FRMD8: variants seen among roughly 807,000 people sequenced by gnomAD.
The protein encoded by FRMD8 is FERM domain containing 8.
FRMD8 carries 37 observed loss-of-function variants against 54.2 expected under a neutral mutation model. The ratio of observed to expected loss-of-function variants is 0.68; its 90% CI spans 0.53 to 0.90. The LOEUF is 0.90. FRMD8 is among the 40% of genes least tolerant of loss of function. FRMD8 has a pLI of 0.00. For synonymous variants in FRMD8, 246 were observed against 286.9 expected (o/e 0.86, Z 1.44); for missense variants, 585 against 653.7 (o/e 0.89, Z 1.15).
At chr11:65,386,447 C>G (rs1255808957), upstream of FRMD8, among the ~76,000 whole-genome samples, 1 of 152,262 alleles carries the variant, frequency 6.6e-6, no homozygotes, top group Admixed American at 6.5e-5. Flanking sequence ...AAGGGAAACT[C>G]GCTCTGGGTC....
the FRMD8 span, among the ~76,000 whole-genome samples, chr11:65,370,072 A>G: frequency 6.6e-6 from 1 of 151,182 alleles, no homozygotes; most frequent in Non-Finnish European, 1.5e-5. Flanking sequence ...ATAAATAAAA[A>G]TTAGCTGGGC....
At chr11:65,382,230 C>T (rs924082663), upstream of FRMD8, 10 of 521,174 alleles carry the variant, frequency 1.9e-5, no homozygotes, top group Admixed American at 9.5e-5. This position sits in a 1 kb window ranked among gnomAD's most constrained non-coding sequence, Gnocchi z 4.4. Flanking sequence ...CAATGATCCT[C>T]GCTCTGAGGA....
At chr11:65,399,996 T>A in intron 8 of FRMD8, 137 bp downstream of exon 8, 2 of 1,044,050 alleles carry the variant, frequency 1.9e-6, no homozygotes, top group Non-Finnish European at 2.7e-6. Flanking sequence ...CTCCGTTGGA[T>A]GTCCTCGTAG....
the FRMD8 span, among the ~76,000 whole-genome samples, chr11:65,370,349 A>G: frequency 1.3e-5 from 2 of 151,632 alleles, no homozygotes; most frequent in African/African-American, 4.8e-5. Flanking sequence ...CTGGTTCTGC[A>G]GAGGACTGGG....
chr11:65,373,281 G>C, the FRMD8 span, among the ~76,000 whole-genome samples: 3 of 152,182 alleles, frequency 2.0e-5, no homozygotes, highest in Non-Finnish European at 2.9e-5. Context: ...GGCACAGGAA[G>C]GGCAGTGCCT....
chr11:65,389,489 C>T lies in FRMD8; in HGVS notation c.214C>T (p.Leu72=). ...REVLQLPDIA[L]DVFALWLVSP... is the part of the protein sequence containing the mutation. ...GGTCCTGCAGCTTCCAGACATCGCCCTGGATGTCTTCGCGCTCTGGCTGGT... is the reference window on the plus strand; with the variant it reads ...GGTCCTGCAGCTTCCAGACATCGCCTTGGATGTCTTCGCGCTCTGGCTGGT... The change falls in exon 3 of 11, where the codon CTG becomes TTG. Residue 72 remains leucine (L), a synonymous_variant. Transcript: ENST00000317568. 1 of 1,607,356 alleles carries T rather than the reference C, an allele frequency of 6.2e-7. No individual in the cohort carries two copies. Among genetic ancestry groups the T allele is most frequent in the Non-Finnish European group, 8.5e-7 (1 of 1,179,728 alleles).
chr11:65,389,498 T>C lies in FRMD8; in HGVS notation c.223T>C (p.Phe75Leu). 6.2e-7 allele frequency: 1 copy of C among 1,603,860 alleles called. No individual in the cohort carries two copies. Among genetic ancestry groups the C allele is most frequent in the Non-Finnish European group, 8.5e-7 (1 of 1,178,526 alleles). The change falls in exon 3 of 11, where the codon TTC becomes CTC. Residue 75 changes from phenylalanine to leucine, a missense_variant. Physicochemically the swap from Phe to Leu is conservative, Grantham distance 22 (BLOSUM62 0). Coordinates refer to ENST00000317568, the MANE Select transcript of FRMD8 (RefSeq NM_031904.5). Reference protein sequence around the residue: ...LQLPDIALDVFALWLVSPLLE... With the variant: ...LQLPDIALDVLALWLVSPLLE... ...GCTTCCAGACATCGCCCTGGATGTC[T>C]TCGCGCTCTGGCTGGTCTCCCCTCT...
At chr11:65,371,861 A>G in the FRMD8 span, among the ~76,000 whole-genome samples, 1 of 151,958 alleles carries the variant, frequency 6.6e-6, no homozygotes, top group Non-Finnish European at 1.5e-5. Flanking sequence ...TGATCTGCCC[A>G]CCTTGGCCTC....
chr11:65,376,559 A>G, the FRMD8 span: 1 of 1,614,172 alleles, frequency 6.2e-7, no homozygotes, highest in Non-Finnish European at 8.5e-7. Context: ...ATCCCCTGGT[A>G]CACTCTGCGT....
At chr11:65,392,403 G>A (rs187344534) in intron 3 of FRMD8, among the ~76,000 whole-genome samples, 362 of 152,336 alleles carry the variant, frequency 2.4e-3, no homozygotes, top group African/African-American at 8.1e-3. Context: ...ATCAGGCAGC[G>A]CTCGGGAAGC....
chr11:65,378,101 T>C, the FRMD8 span: 4,791 of 152,272 alleles, frequency 0.031, 286 homozygotes, highest in African/African-American at 0.11. Context: ...TGCCACCCTC[T>C]AGAGCGTGCT....
the FRMD8 span, chr11:65,379,867 G>A: frequency 1.4e-5 from 23 of 1,614,160 alleles, no homozygotes; most frequent in South Asian, 9.9e-5. Context: ...GGCCACTCAC[G>A]GACTCATGGC....
chr11:65,400,872 C>G lies in FRMD8; in HGVS notation c.1071+5C>G. 1 of 1,597,014 alleles carries G rather than the reference C, an allele frequency of 6.3e-7. No homozygotes were observed. Among genetic ancestry groups the G allele is most frequent in the Non-Finnish European group, 8.5e-7 (1 of 1,170,706 alleles). On this transcript the variant is annotated splice_donor_5th_base_variant and intron_variant, in intron 9 of 10. Transcript: ENST00000317568. The surrounding 1 kb of genome is among the most constrained non-coding windows in gnomAD (Gnocchi z 4.3). ...CTCAAGATCTACTCCAAGCAGGTAGCGCGGGTGGTGCCTGCACACGGGTGG... is the reference window on the plus strand; with the variant it reads ...CTCAAGATCTACTCCAAGCAGGTAGGGCGGGTGGTGCCTGCACACGGGTGG...
chr11:65,370,036 A>T, the FRMD8 span, among the ~76,000 whole-genome samples: 117 of 151,360 alleles, frequency 7.7e-4, 1 homozygote, highest in African/African-American at 2.3e-3. Flanking sequence ...TGTCTCCAAA[A>T]AAATAAATAA....
At chr11:65,390,230 T>A (rs1330393558) in intron 3 of FRMD8, among the ~76,000 whole-genome samples, 1 of 152,008 alleles carries the variant, frequency 6.6e-6, no homozygotes, top group East Asian at 1.9e-4. Context: ...TTAAGGGCGG[T>A]GGCTCTCTAG....
the FRMD8 span, chr11:65,376,183 A>C: frequency 1.7e-6 from 1 of 586,516 alleles, no homozygotes; most frequent in South Asian, 2.1e-5. Context: ...CAGATGTGGG[A>C]GGCAAAGGAG....
rs371167003 is a variant in FRMD8, at chr11:65,399,691, G to C, written c.804-45G>C. 221 of 1,605,074 alleles carry C rather than the reference G, an allele frequency of 1.4e-4. 1 individual carries two copies. The highest frequency in any genetic ancestry group is 3.3e-4 in the Middle Eastern group (2 of 6,038). On this transcript the variant is annotated intron_variant, in intron 7 of 10. Transcript: ENST00000317568. ...TTGGGGCCTCGAGCAGCCTCCCTCA[G>C]CATTTCTGGTGCTGGCCGGAGGCTG...
the FRMD8 span, chr11:65,377,199 G>A: frequency 1.2e-5 from 18 of 1,451,624 alleles, no homozygotes; most frequent in Admixed American, 5.5e-5. Context: ...GAACCCTGCC[G>A]GCACCCAGCC....
the FRMD8 span, among the ~76,000 whole-genome samples, chr11:65,374,615 C>T: frequency 6.6e-6 from 1 of 152,078 alleles, no homozygotes; most frequent in African/African-American, 2.4e-5. Context: ...CCTTGATGCT[C>T]AATTTTGTTG....
Sources: allele counts gnomAD v4.1 joint callset (sites outside exome capture counted in the v4.1 genomes callset), GRCh38; gene constraint gnomAD v4.1.1; non-coding constraint Gnocchi (gnomAD v3.1); transcripts MANE v1.5; gene names NCBI Gene and HGNC (gene_info 2026-07-23, HGNC 2026-07-21).